SUMF1: variants seen among roughly 807,000 people sequenced by gnomAD.
SUMF1 encodes formylglycine-generating enzyme.
A neutral mutation model predicts 47.6 loss-of-function variants in SUMF1; 48 were observed. The observed-to-expected ratio is 1.01, with a 90% CI of 0.80 to 1.28. The LOEUF is 1.28. SUMF1 is among the 50% of genes most tolerant of loss of function. The pLI is 0.00. For missense variants in SUMF1, 571 were observed against 485.4 expected, an observed-to-expected ratio of 1.18 and a Z score of -1.66; for synonymous variants, 230 against 192.1, an observed-to-expected ratio of 1.20 and a Z score of -1.63.
chr3:4,044,143 G>T lies in SUMF1; in HGVS notation c.1191+24426C>A, dbSNP rs143775117. Among the ~76,000 whole-genome samples the T allele has an allele frequency of 7.4e-3, 1,121 of 152,174 alleles. 7 individuals carry two copies. Among genetic ancestry groups the T allele is most frequent in the Non-Finnish European group, 0.011 (781 of 67,986 alleles). On this transcript the variant is annotated intron_variant and NMD_transcript_variant, in intron 9 of 12. Transcript: ENST00000448413. ...CTTCCTAGGGTGTGATTGAAGAAAAGAAAATAAATAAAAATGCCCTTGCCT... is the reference window on the plus strand; with the variant it reads ...CTTCCTAGGGTGTGATTGAAGAAAATAAAATAAATAAAAATGCCCTTGCCT...
chr3:4,239,401 C>T (rs1262658470), intron 8 of SUMF1, among the ~76,000 whole-genome samples: 1 of 152,064 alleles, frequency 6.6e-6, no homozygotes, highest in Non-Finnish European at 1.5e-5. Flanking sequence ...TACTCCTATC[C>T]ATAAGCATGG....
intron 8 of SUMF1, among the ~76,000 whole-genome samples, chr3:4,276,235 T>A (rs1697413698): frequency 6.6e-6 from 1 of 152,168 alleles, no homozygotes; most frequent in East Asian, 1.9e-4. Context: ...GGACAGATAA[T>A]AATATTTATT....
intron 8 of SUMF1, among the ~76,000 whole-genome samples, chr3:4,107,111 G>C (rs1021312446): frequency 5.3e-5 from 8 of 152,034 alleles, no homozygotes; most frequent in Non-Finnish European, 1.0e-4. Flanking sequence ...GCATGGAGGA[G>C]CTTCACGGAC....
chr3:4,430,784 A>G (rs1346758018), intron 3 of SUMF1, among the ~76,000 whole-genome samples: 1 of 152,098 alleles, frequency 6.6e-6, no homozygotes, highest in Non-Finnish European at 1.5e-5. Context: ...CACCCAATCA[A>G]AGTCAGGGGG....
At chr3:4,160,797 T>C (rs529129197) in intron 8 of SUMF1, among the ~76,000 whole-genome samples, 22 of 152,258 alleles carry the variant, frequency 1.4e-4, no homozygotes, top group Non-Finnish European at 2.4e-4. Context: ...AGGTCACATA[T>C]TTCTGTCTCC....
At chr3:4,048,694 C>A (rs1695050246) in intron 9 of SUMF1, among the ~76,000 whole-genome samples, 1 of 152,140 alleles carries the variant, frequency 6.6e-6, no homozygotes, top group Non-Finnish European at 1.5e-5. Context: ...TACAAAATCC[C>A]CAACACTTGA....
chr3:4,336,510 G>T (rs951327000), intron 8 of SUMF1, among the ~76,000 whole-genome samples: 4 of 152,138 alleles, frequency 2.6e-5, no homozygotes, highest in Non-Finnish European at 4.4e-5. Flanking sequence ...AAGGAAAAAA[G>T]TATTGGTGGC....
intron 8 of SUMF1, among the ~76,000 whole-genome samples, chr3:4,302,101 G>T (rs1697983440): frequency 6.6e-6 from 1 of 152,184 alleles, no homozygotes; most frequent in African/African-American, 2.4e-5. Context: ...AGAAGGGTTT[G>T]TGAACCCAAA....
intron 8 of SUMF1, chr3:4,068,751 A>G: frequency 2.7e-6 from 1 of 372,806 alleles, no homozygotes; most frequent in South Asian, 2.0e-5. Context: ...TGGGACTAAA[A>G]CAAATAAGAA....
At chr3:4,400,946 T>C (rs1343904453) in intron 7 of SUMF1, among the ~76,000 whole-genome samples, 1 of 143,480 alleles carries the variant, frequency 7.0e-6, no homozygotes, top group African/African-American at 2.5e-5. Flanking sequence ...GTATTTCTCC[T>C]AATGCTATCC....
downstream of SUMF1, among the ~76,000 whole-genome samples, chr3:4,357,577 TTTTATTTATTTATTTA>T (rs58387595): frequency 5.5e-3 from 766 of 138,780 alleles, 6 homozygotes; most frequent in African/African-American, 0.017. Context: ...CCCAACCAAC[TTTTATTTATTTATTTA>T]TTTATTTATT....
At chr3:4,253,232 G>GA (rs1385654098) in intron 8 of SUMF1, among the ~76,000 whole-genome samples, 2 of 151,844 alleles carry the variant, frequency 1.3e-5, no homozygotes, top group Non-Finnish European at 2.9e-5. Context: ...CTCTCCATTG[G>GA]AAAAAAAATG....
At chr3:4,169,843 G>T (rs1161558126) in intron 8 of SUMF1, among the ~76,000 whole-genome samples, 6 of 152,140 alleles carry the variant, frequency 3.9e-5, no homozygotes, top group Non-Finnish European at 7.4e-5. Context: ...GGAGAGAGAT[G>T]AACTATCAAA....
intron 9 of SUMF1, among the ~76,000 whole-genome samples, chr3:4,068,106 A>G (rs1695421486): frequency 6.6e-6 from 1 of 152,206 alleles, no homozygotes; most frequent in African/African-American, 2.4e-5. Flanking sequence ...GCCAGGCAGA[A>G]TTAGGTTCAT....
intron 8 of SUMF1, among the ~76,000 whole-genome samples, chr3:4,277,446 G>A (rs1697442065): frequency 6.6e-6 from 1 of 152,068 alleles, no homozygotes; most frequent in Admixed American, 6.6e-5. Context: ...ACAAGAAAAT[G>A]AGGGTCAACT....
intron 9 of SUMF1, among the ~76,000 whole-genome samples, chr3:4,053,085 A>C (rs1451440344): frequency 6.6e-6 from 1 of 152,128 alleles, no homozygotes; most frequent in Non-Finnish European, 1.5e-5. Context: ...CTTTTGATTT[A>C]AAGTGAGACA....
At chr3:4,385,540 A>G (rs947980142) in intron 7 of SUMF1, among the ~76,000 whole-genome samples, 4 of 152,144 alleles carry the variant, frequency 2.6e-5, no homozygotes, top group African/African-American at 9.7e-5. Flanking sequence ...TTTGTCAGAT[A>G]TATGGGTTGC....
chr3:4,188,256 A>G (rs1219253474), intron 8 of SUMF1, among the ~76,000 whole-genome samples: 1 of 151,696 alleles, frequency 6.6e-6, no homozygotes, highest in Non-Finnish European at 1.5e-5. Flanking sequence ...GCTCACTGCA[A>G]TCTCCGCCTC....
intron 8 of SUMF1, among the ~76,000 whole-genome samples, chr3:4,122,941 G>A (rs531187192): frequency 3.3e-4 from 50 of 152,228 alleles, no homozygotes; most frequent in Non-Finnish European, 6.2e-4. Flanking sequence ...CAGTGGATAT[G>A]TGCCCATTCA....
Sources: gnomAD v4.1 joint callset for allele counts (sites outside exome capture counted in the v4.1 genomes callset) on GRCh38, gnomAD v4.1.1 for gene constraint, MANE v1.5 for transcripts, NCBI Gene and HGNC (gene_info 2026-07-23, HGNC 2026-07-21) for gene names.